The following CADPS variants were observed in gnomAD, a reference collection of about 807,000 sequenced individuals.
The protein encoded by CADPS is calcium dependent secretion activator, also known as calcium-dependent secretion activator 1.
Under a neutral mutation model 167.3 loss-of-function variants are expected in CADPS, and 57 were observed. The observed-to-expected ratio is 0.34, with a 90% CI of 0.28 to 0.42. CADPS has a LOEUF of 0.42. CADPS is among the 20% of genes least tolerant of loss of function. The pLI is 1.00. For synonymous variants in CADPS, 676 were observed against 635.3 expected, an observed-to-expected ratio of 1.06 and a Z score of -0.96; for missense variants, 1,414 against 1,738.1, an observed-to-expected ratio of 0.81 and a Z score of 3.32.
At chr3:62,683,571 A>T (rs1223326733) in intron 3 of CADPS, among the ~76,000 whole-genome samples, 4 of 152,092 alleles carry the variant, frequency 2.6e-5, no homozygotes, top group Admixed American at 6.6e-5. Flanking sequence ...TTACCATGGC[A>T]CATTTGTCAA....
At chr3:62,548,214 T>C (rs1195655030) in intron 11 of CADPS, among the ~76,000 whole-genome samples, 1 of 152,146 alleles carries the variant, frequency 6.6e-6, no homozygotes, top group Non-Finnish European at 1.5e-5. Context: ...GGGATTTTTG[T>C]CATACTTTAA....
chr3:62,615,624 A>C (rs988680908), intron 6 of CADPS, among the ~76,000 whole-genome samples: 1 of 152,170 alleles, frequency 6.6e-6, no homozygotes, highest in Non-Finnish European at 1.5e-5. Flanking sequence ...CAGCTGCATG[A>C]GCAGAGAACG....
chr3:62,814,415 A>G (rs2094520841), intron 1 of CADPS: 1 of 152,188 alleles, frequency 6.6e-6, no homozygotes, highest in African/African-American at 2.4e-5. Context: ...ATATACTAAA[A>G]TTGGAAAGAT....
At chr3:62,463,250 G>A (rs1308654216) in intron 26 of CADPS, among the ~76,000 whole-genome samples, 1 of 152,126 alleles carries the variant, frequency 6.6e-6, no homozygotes, top group Non-Finnish European at 1.5e-5. Context: ...CTCTTGGTAG[G>A]CCAGTAATTA....
At chr3:62,792,114 A>G (rs2092996148) in intron 1 of CADPS, among the ~76,000 whole-genome samples, 1 of 152,220 alleles carries the variant, frequency 6.6e-6, no homozygotes, top group East Asian at 1.9e-4. Flanking sequence ...GCATGTAGGA[A>G]GATAAAACAC....
intron 28 of CADPS, chr3:62,403,880 T>A (rs879942445): frequency 2.0e-5 from 3 of 152,208 alleles, no homozygotes; most frequent in African/African-American, 7.2e-5. Flanking sequence ...AATGAGCTCA[T>A]TTCAAGCTGT....
intron 3 of CADPS, among the ~76,000 whole-genome samples, chr3:62,694,951 A>C (rs958244753): frequency 6.6e-6 from 1 of 152,080 alleles, no homozygotes; most frequent in Non-Finnish European, 1.5e-5. Flanking sequence ...CCAGCAATCA[A>C]GGGTGGAAGT....
At chr3:62,624,397 A>G (rs1471883461) in intron 6 of CADPS, among the ~76,000 whole-genome samples, 1 of 151,972 alleles carries the variant, frequency 6.6e-6, no homozygotes, top group Non-Finnish European at 1.5e-5. Flanking sequence ...GACCATCCAT[A>G]TGTTTCAGAA....
intron 8 of CADPS, among the ~76,000 whole-genome samples, chr3:62,576,378 G>C (rs767435451): frequency 1.3e-5 from 2 of 152,144 alleles, no homozygotes; most frequent in Non-Finnish European, 2.9e-5. Context: ...TTACTTTATA[G>C]AGTTCTTGTG....
chr3:62,414,302 C>T (rs767871193), intron 28 of CADPS, among the ~76,000 whole-genome samples: 2 of 152,182 alleles, frequency 1.3e-5, no homozygotes, highest in African/African-American at 2.4e-5. Flanking sequence ...CCCCAGTTGC[C>T]CAAAAGGGCA....
At chr3:62,471,522 C>A (rs1434979353) in intron 24 of CADPS, among the ~76,000 whole-genome samples, 1 of 152,146 alleles carries the variant, frequency 6.6e-6, no homozygotes, top group Non-Finnish European at 1.5e-5. Flanking sequence ...ACCCCCAGCT[C>A]AAAAGCAAAA....
At chr3:62,405,819 A>G (rs1157405885) in intron 28 of CADPS, among the ~76,000 whole-genome samples, 1 of 152,212 alleles carries the variant, frequency 6.6e-6, no homozygotes, top group Non-Finnish European at 1.5e-5. Flanking sequence ...TGCTCAGGAG[A>G]TGAAATTGGA....
chr3:62,637,192 CT>C (rs2066473180), intron 6 of CADPS, among the ~76,000 whole-genome samples: 1 of 152,054 alleles, frequency 6.6e-6, no homozygotes, highest in Non-Finnish European at 1.5e-5. Flanking sequence ...TGTGTCTTGT[CT>C]CTCTTTCAAA....
chr3:62,805,713 G>C (rs1476194179), intron 1 of CADPS, among the ~76,000 whole-genome samples: 1 of 152,042 alleles, frequency 6.6e-6, no homozygotes, highest in Non-Finnish European at 1.5e-5. Context: ...CTGTGTTCAG[G>C]GATGCTGATT....
At chr3:62,499,104 C>T (rs2065280942) in intron 18 of CADPS, 58 bp downstream of exon 18, 6 of 1,042,586 alleles carry the variant, frequency 5.8e-6, no homozygotes, top group Admixed American at 1.8e-5. Context: ...CTGGGAAAAT[C>T]AGCTCTGCAA....
chr3:62,645,708 GA>G lies in CADPS; in HGVS notation c.1325+13del. 1 of 1,613,492 alleles carries G rather than the reference GA, an allele frequency of 6.2e-7. No individual in the cohort carries two copies. The highest frequency in any genetic ancestry group is 8.5e-7 in the Non-Finnish European group (1 of 1,179,770). ...AACCCTCTATAAGATGGACCCTGGA[GA>G]AACATAACTTACGTTGGTTTAGAAG... On this transcript the variant is annotated intron_variant, in intron 6 of 29. Coordinates refer to ENST00000383710, the MANE Select transcript of CADPS (RefSeq NM_003716.4).
chr3:62,613,131 A>T (rs2061727074), intron 6 of CADPS, among the ~76,000 whole-genome samples: 1 of 152,140 alleles, frequency 6.6e-6, no homozygotes, highest in African/African-American at 2.4e-5. Flanking sequence ...GTCCCCATCA[A>T]GCTGCTCCTC....
chr3:62,426,355 T>C (rs955018258), intron 28 of CADPS, among the ~76,000 whole-genome samples: 1 of 152,158 alleles, frequency 6.6e-6, no homozygotes, highest in African/African-American at 2.4e-5. Flanking sequence ...TTCACCATGT[T>C]GGCCAGGATG....
chr3:62,534,299 G>T (rs1168936601), intron 12 of CADPS, among the ~76,000 whole-genome samples: 1 of 152,160 alleles, frequency 6.6e-6, no homozygotes, highest in Non-Finnish European at 1.5e-5. Context: ...GTGACTAGGG[G>T]GCAGGTAGAG....
Sources: allele counts gnomAD v4.1 joint callset (sites outside exome capture counted in the v4.1 genomes callset), GRCh38; gene constraint gnomAD v4.1.1; transcripts MANE v1.5; gene names NCBI Gene and HGNC (gene_info 2026-07-23, HGNC 2026-07-21).